The following NUP98 variants were observed in gnomAD, a reference collection of about 807,000 sequenced individuals.
The protein encoded by NUP98 is nucleoporin 98 and 96 precursor, also known as nuclear pore complex protein Nup98-Nup96.
Under a neutral mutation model 191.9 loss-of-function variants are expected in NUP98, and 26 were observed. The ratio of observed to expected loss-of-function variants is 0.14; its 90% CI spans 0.10 to 0.19. The LOEUF (loss-of-function observed/expected upper bound fraction) is 0.19, where lower values mean the gene tolerates loss of function less well. Among genes scored for constraint, NUP98 ranks in the 10% least tolerant of loss-of-function variants. The pLI is 1.00. For missense variants in NUP98, 1,941 were observed against 2,178.8 expected (o/e 0.89, Z 2.17); for synonymous variants, 808 against 778.4 (o/e 1.04, Z -0.63).
At chr11:3,690,368 C>T (rs1589964735) in intron 28 of NUP98, among the ~76,000 whole-genome samples, 1 of 151,850 alleles carries the variant, frequency 6.6e-6, no homozygotes, top group Admixed American at 6.6e-5. Flanking sequence ...CACGCCATTC[C>T]CCTGCCTCAG....
intron 8 of NUP98, among the ~76,000 whole-genome samples, chr11:3,764,878 T>C (rs2081287688): frequency 6.6e-6 from 1 of 152,144 alleles, no homozygotes; most frequent in Non-Finnish European, 1.5e-5. Context: ...GCGCCCAGCC[T>C]GTTAGTCTTT....
chr11:3,689,147 C>T (rs555200541), intron 28 of NUP98, among the ~76,000 whole-genome samples: 2 of 152,134 alleles, frequency 1.3e-5, no homozygotes, highest in Admixed American at 1.3e-4. Flanking sequence ...GTGAAAGGAT[C>T]GCCTGAACCC....
chr11:3,712,606 G>C lies in NUP98; in HGVS notation c.2700C>G (p.Pro900=), dbSNP rs922492291. 4 of 1,613,978 alleles carry C rather than the reference G, an allele frequency of 2.5e-6. No homozygotes were observed. In the African/African-American group the frequency reaches 4.0e-5, roughly 16 times the overall value. The change falls in exon 20 of 33, where the codon CCC becomes CCG. Residue 900 remains proline (P), a synonymous_variant. Coordinates refer to ENST00000324932, the MANE Select transcript of NUP98 (RefSeq NM_016320.5). The part of the protein sequence containing the change: ...APLPPASQTT[P]LQMALNGKPA... ...GTTTGCCATTAAGAGCCATCTGCAA[G>C]GGCGTAGTCTGGCTTGCAGGAGGCA...
intron 30 of NUP98, among the ~76,000 whole-genome samples, chr11:3,681,879 G>C (rs1564800036): frequency 6.6e-6 from 1 of 152,208 alleles, no homozygotes; most frequent in Non-Finnish European, 1.5e-5. Flanking sequence ...CTCTAGCTAT[G>C]AAAGTCCTTG....
At chr11:3,721,027 T>C (rs554834389) in intron 16 of NUP98, 2 of 391,522 alleles carry the variant, frequency 5.1e-6, no homozygotes, top group Middle Eastern at 7.3e-4. Flanking sequence ...CATGGTCAAA[T>C]AGGTTTGAAG....
chr11:3,695,406 T>A, intron 26 of NUP98, 43 bp downstream of exon 26: 1 of 1,460,706 alleles, frequency 6.8e-7, no homozygotes, highest in Non-Finnish European at 9.1e-7. Context: ...CTTCAATTTA[T>A]GAAAAAACCA....
At chr11:3,790,843 T>C (rs897451800) in intron 1 of NUP98, among the ~76,000 whole-genome samples, 1 of 152,158 alleles carries the variant, frequency 6.6e-6, no homozygotes, top group Admixed American at 6.5e-5. Context: ...GCAAACCACC[T>C]GTAATTACTT....
At chr11:3,763,175 T>C in intron 8 of NUP98, 136 bp from the exon 9 acceptor site, 1 of 790,972 alleles carries the variant, frequency 1.3e-6, no homozygotes, top group Non-Finnish European at 1.9e-6. Context: ...TATAGATTAT[T>C]TCCTTCAAAA....
At chr11:3,794,532 G>T (rs2082464221) in intron 1 of NUP98, among the ~76,000 whole-genome samples, 1 of 151,908 alleles carries the variant, frequency 6.6e-6, no homozygotes, top group African/African-American at 2.4e-5. Flanking sequence ...TCACCATGTT[G>T]CCCAGGCTGG....
chr11:3,689,208 G>A (rs895740828), intron 28 of NUP98, among the ~76,000 whole-genome samples: 6 of 152,114 alleles, frequency 3.9e-5, no homozygotes, highest in East Asian at 3.9e-4. Flanking sequence ...ACACCAGCCC[G>A]GGTGACAGAG....
At chr11:3,777,168 T>G (rs1488397687) in intron 4 of NUP98, among the ~76,000 whole-genome samples, 1 of 152,018 alleles carries the variant, frequency 6.6e-6, no homozygotes, top group African/African-American at 2.4e-5. Flanking sequence ...TTCAGAAAAA[T>G]TAGCAGCCAC....
chr11:3,699,392 C>G lies in NUP98; in HGVS notation c.3743-44G>C, dbSNP rs188572889. 18 of 1,601,652 alleles carry G rather than the reference C, an allele frequency of 1.1e-5. No homozygotes were observed. In the East Asian group the frequency reaches 3.4e-4, roughly 30 times the overall value. ...AACAATGTTACGAGACAAAGTCTTA[C>G]AACAACTTCACAGAGGGCATCCTTC... On this transcript the variant is annotated intron_variant, in intron 24 of 32. Coordinates refer to ENST00000324932, the MANE Select transcript of NUP98 (RefSeq NM_016320.5).
Position 3,797,411 on chromosome 11 carries a change from G to A in NUP98, c.-40C>T, listed in dbSNP as rs905057288. ...GGCTCCCGACTTACCGCGGTTCGGT[G>A]GGGAAGGGGAAGTGTCAGGAGTCCC... On this transcript the variant is annotated 5_prime_UTR_variant, in exon 1 of 33. Transcript: ENST00000324932. 7.4e-6 allele frequency: 3 copies of A among 403,516 alleles called. No homozygotes were observed. The highest frequency in any genetic ancestry group is 1.3e-5 in the Non-Finnish European group (3 of 228,758). The allele number at this position is 403,516 out of a possible 1,614,324, so 25.0% of individuals were successfully genotyped here. A position where few individuals can be genotyped will look rare whatever the true frequency, so the allele number is the denominator to read the frequency against.
At position 3,691,647 on chromosome 11, in the gene NUP98, A is replaced by G. The variant is rs149356119; in HGVS notation, c.4312-158T>C. ...CGGCTCACTGCAACCTCCGCTTCCC[A>G]GATTCAAACAATTCTCCTGCCTCAG... On this transcript the variant is annotated intron_variant, in intron 27 of 32. Transcript: ENST00000324932. Among the ~76,000 whole-genome samples the G allele has an allele frequency of 2.6e-3, 392 of 151,968 alleles. 2 individuals carry two copies. The highest frequency in any genetic ancestry group is 0.014 in the Middle Eastern group (4 of 294).
chr11:3,788,431 CCT>C (rs562476721), intron 1 of NUP98, among the ~76,000 whole-genome samples: 279 of 152,148 alleles, frequency 1.8e-3, no homozygotes, highest in African/African-American at 5.1e-3. Flanking sequence ...GGTGAAACCC[CCT>C]GTCTCTACTA....
chr11:3,762,067 C>T (rs893973729), intron 9 of NUP98, among the ~76,000 whole-genome samples: 1 of 152,156 alleles, frequency 6.6e-6, no homozygotes, highest in African/African-American at 2.4e-5. Context: ...AGAGAAATTT[C>T]AATCTCCATG....
intron 7 of NUP98, among the ~76,000 whole-genome samples, chr11:3,769,411 G>A (rs2081444633): frequency 6.6e-6 from 1 of 151,872 alleles, no homozygotes; most frequent in African/African-American, 2.4e-5. Flanking sequence ...GGGTGACAGA[G>A]CTAGACAGTG....
intron 28 of NUP98, among the ~76,000 whole-genome samples, chr11:3,689,725 C>T (rs753606295): frequency 8.6e-5 from 13 of 151,976 alleles, no homozygotes; most frequent in Non-Finnish European, 1.8e-4. Flanking sequence ...ACTGCAGGCT[C>T]GACTTCCCAG....
At chr11:3,683,935 C>T (rs2134019464) in intron 29 of NUP98, among the ~76,000 whole-genome samples, 1 of 152,268 alleles carries the variant, frequency 6.6e-6, no homozygotes, top group East Asian at 1.9e-4. Flanking sequence ...TGGCCAGGCA[C>T]AGTGCCTCAC....
Sources: gnomAD v4.1 joint callset for allele counts (sites outside exome capture counted in the v4.1 genomes callset) on GRCh38, gnomAD v4.1.1 for gene constraint, MANE v1.5 for transcripts, NCBI Gene and HGNC (gene_info 2026-07-23, HGNC 2026-07-21) for gene names.